The following SEMA3E variants were observed in gnomAD, a reference collection of about 807,000 sequenced individuals.
The protein encoded by SEMA3E is semaphorin 3E.
In SEMA3E, 49 loss-of-function variants were observed where a neutral mutation model predicts 93.6. The ratio of observed to expected loss-of-function variants is 0.52; its 90% confidence interval spans 0.42 to 0.66. The LOEUF is 0.66. Ranked by LOEUF, SEMA3E falls within the 30% of genes least tolerant of loss-of-function variation. The pLI is 0.00. For missense variants in SEMA3E, 906 were observed against 964.8 expected (o/e 0.94, Z 0.81); for synonymous variants, 363 against 330.7 (o/e 1.10, Z -1.06).
intron 4 of SEMA3E, among the ~76,000 whole-genome samples, chr7:83,434,205 C>T (rs1215333998): frequency 2.6e-5 from 4 of 151,978 alleles, no homozygotes; most frequent in Non-Finnish European, 5.9e-5. Flanking sequence ...ATCAGCAATT[C>T]CAGATTGTTT....
intron 16 of SEMA3E, among the ~76,000 whole-genome samples, chr7:83,381,518 C>T (rs1225410263): frequency 6.6e-6 from 1 of 151,936 alleles, no homozygotes; most frequent in Non-Finnish European, 1.5e-5. Context: ...ATTCTAACCT[C>T]TCCCTATAAT....
intron 9 of SEMA3E, 109 bp from the exon 10 acceptor site, chr7:83,402,885 G>A: frequency 9.5e-7 from 1 of 1,050,026 alleles, no homozygotes; most frequent in South Asian, 1.4e-5. Context: ...TAAAGTGGTT[G>A]CAATTTCTTT....
chr7:83,485,110 T>A (rs1790225958), intron 2 of SEMA3E, among the ~76,000 whole-genome samples: 1 of 152,200 alleles, frequency 6.6e-6, no homozygotes, highest in Non-Finnish European at 1.5e-5. Flanking sequence ...TCCACATGCA[T>A]GTCTCAGAAG....
intron 1 of SEMA3E, among the ~76,000 whole-genome samples, chr7:83,553,541 A>G (rs1032824174): frequency 2.0e-5 from 3 of 152,142 alleles, no homozygotes; most frequent in Non-Finnish European, 4.4e-5. Flanking sequence ...TCAATTTTAT[A>G]TTACCAAACC....
intron 1 of SEMA3E, among the ~76,000 whole-genome samples, chr7:83,574,287 T>C (rs1792354028): frequency 6.6e-6 from 1 of 152,110 alleles, no homozygotes; most frequent in African/African-American, 2.4e-5. Context: ...TTGGAAAATA[T>C]TGAATTTGAA....
intron 1 of SEMA3E, among the ~76,000 whole-genome samples, chr7:83,645,908 G>A (rs1023461480): frequency 6.6e-5 from 10 of 151,906 alleles, no homozygotes; most frequent in Admixed American, 4.6e-4. Flanking sequence ...TTTAACTCAC[G>A]CTCTGTATAT....
At chr7:83,483,936 C>A (rs1017073990) in intron 2 of SEMA3E, among the ~76,000 whole-genome samples, 2 of 152,168 alleles carry the variant, frequency 1.3e-5, no homozygotes, top group East Asian at 1.9e-4. Context: ...TTGACCCGAC[C>A]CACTTCCAGG....
chr7:83,569,274 A>G (rs538286205), intron 1 of SEMA3E, among the ~76,000 whole-genome samples: 1 of 149,844 alleles, frequency 6.7e-6, no homozygotes, highest in East Asian at 2.0e-4. Context: ...GCTCATTGAT[A>G]ACACACTCAA....
Position 83,591,106 on chromosome 7 carries a change from C to CAAAA in SEMA3E, c.115+57318_115+57321dup, listed in dbSNP as rs202162169. On this transcript the variant is annotated intron_variant, in intron 1 of 16. Transcript: ENST00000643230. ...ATAAACTTTATCTTAGAGTTATTTG[C>CAAAA]AAAAAAAAAAAAAAAACAAGAGGAA... 2.3e-3 allele frequency among the ~76,000 whole-genome samples: 266 copies of CAAAA among 114,486 alleles called. 1 individual carries two copies. Among genetic ancestry groups the CAAAA allele is most frequent in the African/African-American group, 6.4e-3 (204 of 31,864 alleles). The allele number at this position is 114,486 out of a possible 152,430, so 75.1% of individuals were successfully genotyped here. A position where few individuals can be genotyped will look rare whatever the true frequency, so the allele number is the denominator to read the frequency against.
intron 14 of SEMA3E, among the ~76,000 whole-genome samples, chr7:83,389,621 TATAC>T (rs1475348951): frequency 1.3e-5 from 2 of 151,548 alleles, no homozygotes; most frequent in Non-Finnish European, 2.9e-5. Context: ...ATATTACATG[TATAC>T]ATACACACAC....
chr7:83,635,914 G>T, intron 1 of SEMA3E, among the ~76,000 whole-genome samples: 1 of 150,242 alleles, frequency 6.7e-6, no homozygotes. Context: ...TGGTCAATTG[G>T]GCCTTTCTGA....
chr7:83,376,865 T>A (rs966688699), intron 16 of SEMA3E, among the ~76,000 whole-genome samples: 26 of 151,964 alleles, frequency 1.7e-4, no homozygotes, highest in Non-Finnish European at 3.7e-4. Flanking sequence ...AAATAGAGAA[T>A]CCACAATAAA....
chr7:83,583,221 T>G (rs763789219), intron 1 of SEMA3E, among the ~76,000 whole-genome samples: 27 of 152,304 alleles, frequency 1.8e-4, no homozygotes, highest in Middle Eastern at 3.4e-3. Context: ...GACTAGTATT[T>G]TTTAAGTTGA....
chr7:83,400,186 C>A lies in SEMA3E; in HGVS notation c.1208G>T (p.Arg403Leu). The change falls in exon 11 of 17, where the codon CGA becomes CTA. Residue 403 changes from arginine (R) to leucine (L), a missense_variant. Coordinates refer to ENST00000643230, the MANE Select transcript of SEMA3E (RefSeq NM_012431.3). ...TTKDYPDDAI[R>L]FARSHPLMYQ... ...CATTAGTGGATGACTTCTTGCAAAT[C>A]GGATGGCATCATCAGGATAGTCCTT... is the stretch of plus-strand genomic sequence containing the variant. The A allele has an allele frequency of 8.1e-6, 13 of 1,613,896 alleles. No individual in the cohort carries two copies. The highest frequency in any genetic ancestry group is 1.1e-5 in the Non-Finnish European group (13 of 1,179,934).
intron 1 of SEMA3E, among the ~76,000 whole-genome samples, chr7:83,610,620 T>C (rs1350572969): frequency 1.3e-5 from 2 of 152,034 alleles, no homozygotes; most frequent in Non-Finnish European, 2.9e-5. Flanking sequence ...TTAATATTAA[T>C]ATAAAACCCA....
chr7:83,393,030 A>T (rs1268969636), intron 13 of SEMA3E, among the ~76,000 whole-genome samples: 2 of 89,578 alleles, frequency 2.2e-5, no homozygotes, highest in Admixed American at 1.6e-4. Context: ...CAAGAGAGAA[A>T]CTCCATCTCA....
intron 1 of SEMA3E, among the ~76,000 whole-genome samples, chr7:83,545,162 A>G (rs1332405790): frequency 6.6e-6 from 1 of 152,146 alleles, no homozygotes; most frequent in Non-Finnish European, 1.5e-5. Context: ...TTGTGCATTT[A>G]TACCTCATTC....
At chr7:83,519,215 T>C (rs923408024) in intron 1 of SEMA3E, among the ~76,000 whole-genome samples, 4 of 151,828 alleles carry the variant, frequency 2.6e-5, no homozygotes, top group African/African-American at 9.7e-5. Flanking sequence ...AGTGAGAATA[T>C]GCGGTGTTTG....
chr7:83,648,941 G>A lies in SEMA3E; in HGVS notation c.-399C>T, dbSNP rs936801402. The A allele has an allele frequency of 1.0e-5, 2 of 196,192 alleles. No individual in the cohort carries two copies. The highest frequency in any genetic ancestry group is 8.5e-5 in the South Asian group (1 of 11,702). The allele number at this position is 196,192 out of a possible 1,614,324, so 12.2% of individuals were successfully genotyped here. ...CCGAGCACACGCACTCCCTTCTCCC[G>A]TGGAGGTCCTCTCTTCGGGCTCCTG... On this transcript the variant is annotated 5_prime_UTR_variant, in exon 1 of 17. The change creates a new upstream start codon in the 5' untranslated region. Transcript: ENST00000643230.
Sources: allele counts gnomAD v4.1 joint callset (sites outside exome capture counted in the v4.1 genomes callset), GRCh38; gene constraint gnomAD v4.1.1; transcripts MANE v1.5; gene names NCBI Gene and HGNC (gene_info 2026-07-23, HGNC 2026-07-21).